The following PCOLCE2 variants were observed in gnomAD, a reference collection of about 807,000 sequenced individuals.
The protein encoded by PCOLCE2 is procollagen C-endopeptidase enhancer 2, also known as procollagen C-proteinase enhancer 2.
Under a neutral mutation model 47.0 loss-of-function variants are expected in PCOLCE2, and 42 were observed. That is an observed-to-expected ratio of 0.89 (90% CI 0.70 to 1.16). PCOLCE2 has a LOEUF of 1.16. Among genes scored for constraint, PCOLCE2 ranks in the 50% most tolerant of loss-of-function variants. The pLI, the probability that PCOLCE2 is intolerant of heterozygous loss-of-function variation, is 0.00. For missense variants in PCOLCE2, 500 were observed against 526.1 expected, an observed-to-expected ratio of 0.95 and a Z score of 0.49; for synonymous variants, 169 against 191.7, an observed-to-expected ratio of 0.88 and a Z score of 0.98.
chr3:142,869,631 A>G (rs1246623818), intron 2 of PCOLCE2, among the ~76,000 whole-genome samples: 1 of 152,236 alleles, frequency 6.6e-6, no homozygotes, highest in Non-Finnish European at 1.5e-5. Flanking sequence ...CTTGGTCTCC[A>G]CAACCCTTTA....
chr3:142,838,773 G>A lies in PCOLCE2; in HGVS notation c.707C>T (p.Pro236Leu), dbSNP rs1937231827. 6.2e-7 allele frequency: 1 copy of A among 1,613,376 alleles called. No individual in the cohort carries two copies. The highest frequency in any genetic ancestry group is 1.3e-5 in the African/African-American group (1 of 74,900). Residue 236 changes from proline to leucine, a missense_variant, in exon 5 of 9, where the codon CCT becomes CTT. Coordinates refer to ENST00000295992, the MANE Select transcript of PCOLCE2 (RefSeq NM_013363.4). ...RIGKYCGDSPPAPIVSERNEL... is the reference protein window; with the variant it reads ...RIGKYCGDSPLAPIVSERNEL... ...GACATAAATAGGTGCTACTTACGCA[G>A]GTGGACTATCACCACAATACTTTCC... is the stretch of plus-strand genomic sequence containing the variant.
intron 2 of PCOLCE2, among the ~76,000 whole-genome samples, chr3:142,859,827 C>T (rs1933145360): frequency 6.6e-6 from 1 of 152,176 alleles, no homozygotes; most frequent in South Asian, 2.1e-4. Context: ...GGATTACAGG[C>T]ATGAGCCACT....
intron 6 of PCOLCE2, among the ~76,000 whole-genome samples, chr3:142,828,562 T>A (rs1159689254): frequency 6.6e-6 from 1 of 152,146 alleles, no homozygotes; most frequent in Non-Finnish European, 1.5e-5. Context: ...GATGACCCTA[T>A]GAGTGCGGCT....
intron 2 of PCOLCE2, 34 bp from the exon 3 acceptor site, chr3:142,848,506 T>C (rs755449355): frequency 6.4e-7 from 1 of 1,562,852 alleles, no homozygotes; most frequent in Non-Finnish European, 8.7e-7. Flanking sequence ...AAAACTGTCA[T>C]GAAAACAATA....
intron 5 of PCOLCE2, among the ~76,000 whole-genome samples, chr3:142,833,397 G>C (rs1937171844): frequency 6.6e-6 from 1 of 151,674 alleles, no homozygotes; most frequent in South Asian, 2.1e-4. Context: ...GCCCAGGCTG[G>C]TCTCGAACTC....
At chr3:142,869,199 G>A (rs1393625371) in intron 2 of PCOLCE2, among the ~76,000 whole-genome samples, 2 of 152,048 alleles carry the variant, frequency 1.3e-5, no homozygotes, top group African/African-American at 4.8e-5. Flanking sequence ...GCTGAGGCAG[G>A]AGAACGGTGT....
At chr3:142,835,061 G>T (rs970125510) in intron 5 of PCOLCE2, among the ~76,000 whole-genome samples, 25 of 151,244 alleles carry the variant, frequency 1.7e-4, no homozygotes, top group African/African-American at 5.8e-4. Context: ...TGGATGTAGT[G>T]TTCTCTATTT....
Position 142,889,017 on chromosome 3 carries a change from T to G in PCOLCE2, c.-121A>C. 1 of 272,852 alleles carries G rather than the reference T, an allele frequency of 3.7e-6. No homozygotes were observed. The highest frequency in any genetic ancestry group is 6.9e-6 in the Non-Finnish European group (1 of 144,542). 16.9% of individuals were successfully genotyped at this position (272,852 alleles called of 1,614,324 possible). ...CAGCAGCGCTGGCTCACACCGGCGCTCGGCTGCCCGCGCGCTCCCTCTCAC... is the reference window on the plus strand; with the variant it reads ...CAGCAGCGCTGGCTCACACCGGCGCGCGGCTGCCCGCGCGCTCCCTCTCAC... On this transcript the variant is annotated 5_prime_UTR_variant, in exon 1 of 9. Transcript: ENST00000295992.
At chr3:142,824,602 A>G (rs904311215) in intron 6 of PCOLCE2, among the ~76,000 whole-genome samples, 1 of 152,162 alleles carries the variant, frequency 6.6e-6, no homozygotes, top group Non-Finnish European at 1.5e-5. Context: ...TGCTCTTCCA[A>G]CAGGCCCCAC....
chr3:142,850,263 C>CT (rs1937375484), intron 2 of PCOLCE2, among the ~76,000 whole-genome samples: 1 of 152,126 alleles, frequency 6.6e-6, no homozygotes, highest in East Asian at 1.9e-4. Context: ...TATAAGCAGG[C>CT]TCTCTATGAA....
intron 2 of PCOLCE2, among the ~76,000 whole-genome samples, chr3:142,865,778 G>A (rs74619576): frequency 0.057 from 8,713 of 152,260 alleles, 264 homozygotes; most frequent in African/African-American, 0.063. Context: ...AATGTATGGA[G>A]AACTTGGAAT....
chr3:142,830,390 G>C (rs906515432), intron 5 of PCOLCE2, among the ~76,000 whole-genome samples: 7 of 152,242 alleles, frequency 4.6e-5, no homozygotes, highest in African/African-American at 1.7e-4. Flanking sequence ...GATGCAGCCA[G>C]AGGGATTATC....
chr3:142,826,940 G>A (rs1234279597), intron 6 of PCOLCE2, among the ~76,000 whole-genome samples: 1 of 152,044 alleles, frequency 6.6e-6, no homozygotes, highest in African/African-American at 2.4e-5. Context: ...TCAAAAAGAC[G>A]GAAGTTTCTA....
chr3:142,838,806 C>G lies in PCOLCE2; in HGVS notation c.674G>C (p.Arg225Thr), dbSNP rs993779735. The change falls in exon 5 of 9, where the codon AGA becomes ACA. Residue 225 changes from arginine (R) to threonine (T), a missense_variant. By Grantham distance (71) the Arg-to-Thr change is moderately conservative. Coordinates refer to ENST00000295992, the MANE Select transcript of PCOLCE2 (RefSeq NM_013363.4). ...ATCACCACAATACTTTCCAATTCTTCTAGCATCGTTGACTTCCCCGCCATT... is the reference window on the plus strand; with the variant it reads ...ATCACCACAATACTTTCCAATTCTTGTAGCATCGTTGACTTCCCCGCCATT... ...VFNGGEVNDA[R>T]RIGKYCGDSP... The G allele has an allele frequency of 6.2e-7, 1 of 1,613,956 alleles. No homozygotes were observed. Among genetic ancestry groups the G allele is most frequent in the African/African-American group, 1.3e-5 (1 of 75,032 alleles).
intron 2 of PCOLCE2, among the ~76,000 whole-genome samples, chr3:142,863,476 G>C (rs573767508): frequency 3.3e-5 from 5 of 152,314 alleles, no homozygotes; most frequent in African/African-American, 1.2e-4. Context: ...GTTCTCTCAG[G>C]AAAGAGGACA....
At position 142,826,224 on chromosome 3, in the gene PCOLCE2, G is replaced by A. The variant is rs11706674; in HGVS notation, c.866-2609C>T. Among the ~76,000 whole-genome samples, 1,085 of 152,006 alleles carry A rather than the reference G, an allele frequency of 7.1e-3. 9 individuals are homozygous for A. Among genetic ancestry groups the A allele is most frequent in the Middle Eastern group, 0.017 (5 of 294 alleles). Reference sequence around the variant, plus strand: ...GGGTTTCACCGTGTTAGCCAAGATGGTCTCGATCTCCTGACCTCATGATCC... The same window carrying A: ...GGGTTTCACCGTGTTAGCCAAGATGATCTCGATCTCCTGACCTCATGATCC... On this transcript the variant is annotated intron_variant, in intron 6 of 8. Coordinates refer to ENST00000295992, the MANE Select transcript of PCOLCE2 (RefSeq NM_013363.4).
intron 6 of PCOLCE2, among the ~76,000 whole-genome samples, chr3:142,826,785 A>G (rs1046984359): frequency 1.3e-5 from 2 of 152,060 alleles, no homozygotes; most frequent in Non-Finnish European, 2.9e-5. Flanking sequence ...GTCCTCCCTT[A>G]TTGGAAGTCT....
chr3:142,823,192 T>C (rs9784320), intron 7 of PCOLCE2, among the ~76,000 whole-genome samples: 54,376 of 151,990 alleles, frequency 0.36, 12,307 homozygotes, highest in African/African-American at 0.66. Context: ...AGTTGAGTTA[T>C]AGATGTGTGA....
Position 142,858,522 on chromosome 3 carries a change from G to A in PCOLCE2, c.193-10050C>T, listed in dbSNP as rs548629244. On this transcript the variant is annotated intron_variant, in intron 2 of 8. Coordinates refer to ENST00000295992, the MANE Select transcript of PCOLCE2 (RefSeq NM_013363.4). ...CATGCGCACACATATATGTGCGTGC[G>A]TGTGTGTGCGTGTGTATATCAAACT... Among the ~76,000 whole-genome samples, 13 of 152,292 alleles carry A rather than the reference G, an allele frequency of 8.5e-5. No individual in the cohort carries two copies. The East Asian group carries it at 9.6e-4, about 11-fold the overall frequency.
Sources: gnomAD v4.1 joint callset for allele counts (sites outside exome capture counted in the v4.1 genomes callset) on GRCh38, gnomAD v4.1.1 for gene constraint, MANE v1.5 for transcripts, NCBI Gene and HGNC (gene_info 2026-07-23, HGNC 2026-07-21) for gene names.